STXBP5: variants seen among roughly 807,000 people sequenced by gnomAD.
STXBP5 encodes syntaxin binding protein 5.
A neutral mutation model predicts 152.4 loss-of-function variants in STXBP5; 50 were observed. The observed-to-expected ratio is 0.33, with a 90% CI of 0.26 to 0.42. STXBP5 has a LOEUF of 0.42. STXBP5 is among the 10% of genes least tolerant of loss of function. The pLI, the probability that STXBP5 is intolerant of heterozygous loss-of-function variation, is 1.00. For synonymous variants in STXBP5, 492 were observed against 494.7 expected (o/e 0.99, Z 0.07); for missense variants, 1,167 against 1,388.6 (o/e 0.84, Z 2.54).
rs947119862 is a variant in STXBP5, at chr6:147,385,739, A to T, written c.*984A>T. ...TTTAATTAAAATTGCTTAAAAAAAA[A>T]CTTTCATTATTTCAGTAAAATGCTC... On this transcript the variant is annotated 3_prime_UTR_variant, in exon 28 of 28. Coordinates refer to ENST00000321680, the MANE Select transcript of STXBP5 (RefSeq NM_001127715.4). 8 of 152,208 alleles carry T rather than the reference A, an allele frequency of 5.3e-5. No homozygotes were observed. The highest frequency in any genetic ancestry group is 3.9e-4 in the Admixed American group (6 of 15,262). 9.4% of individuals were successfully genotyped at this position (152,208 alleles called of 1,614,324 possible). A position where few individuals can be genotyped will look rare whatever the true frequency, so the allele number is the denominator to read the frequency against.
intron 22 of STXBP5, among the ~76,000 whole-genome samples, chr6:147,357,367 T>G (rs1002605790): frequency 6.6e-6 from 1 of 152,114 alleles, no homozygotes; most frequent in African/African-American, 2.4e-5. Flanking sequence ...GAGAAAATTG[T>G]GTGGCTCTAT....
intron 2 of STXBP5, among the ~76,000 whole-genome samples, chr6:147,224,635 GAA>G (rs1777620310): frequency 6.6e-6 from 1 of 152,132 alleles, no homozygotes; most frequent in South Asian, 2.1e-4. Context: ...GCTACTTACA[GAA>G]AGTTTATTTT....
intron 2 of STXBP5, among the ~76,000 whole-genome samples, chr6:147,215,135 A>G (rs908690286): frequency 1.3e-5 from 2 of 152,248 alleles, no homozygotes; most frequent in South Asian, 4.1e-4. Flanking sequence ...TATCTAATGA[A>G]TAAGTGTGCG....
At position 147,307,865 on chromosome 6, in the gene STXBP5, G is replaced by A. The variant is rs1040192889; in HGVS notation, c.918-2219G>A. On this transcript the variant is annotated intron_variant, in intron 9 of 27. Coordinates refer to ENST00000321680, the MANE Select transcript of STXBP5 (RefSeq NM_001127715.4). ...CGGAAGAAAAACTTACTTGCCTTCC[G>A]AGGATAAACCTACCTAGCTACCATG... Among the ~76,000 whole-genome samples, 6 of 152,256 alleles carry A rather than the reference G, an allele frequency of 3.9e-5. No individual in the cohort carries two copies. The South Asian group carries it at 8.3e-4, about 21-fold the overall frequency.
chr6:147,337,763 G>C (rs569437874), intron 19 of STXBP5, among the ~76,000 whole-genome samples: 277 of 152,074 alleles, frequency 1.8e-3, no homozygotes, highest in African/African-American at 6.5e-3. Context: ...ATGTATTTCT[G>C]TTCCTGGAAA....
At chr6:147,230,162 A>C (rs1777923447) in intron 2 of STXBP5, among the ~76,000 whole-genome samples, 1 of 151,882 alleles carries the variant, frequency 6.6e-6, no homozygotes, top group South Asian at 2.1e-4. Flanking sequence ...TTGATCCCGT[A>C]TACTTTTTAA....
intron 21 of STXBP5, chr6:147,351,706 GT>G (rs1464577980): frequency 4.3e-6 from 1 of 234,920 alleles, no homozygotes; most frequent in African/African-American, 2.3e-5. Context: ...ACCCATTCTT[GT>G]TTGCTAAAGG....
Position 147,204,582 on chromosome 6 carries a change from C to T in STXBP5, c.50C>T (p.Ser17Leu). ...GTGCTGGACGGCCTGACCGCCGGCTCGTCCTCGGCGTCGCAGCAGCAACAG... is the reference window on the plus strand; with the variant it reads ...GTGCTGGACGGCCTGACCGCCGGCTTGTCCTCGGCGTCGCAGCAGCAACAG... ...RKVLDGLTAG[S>L]SSASQQQQQQ... The change falls in exon 1 of 28, where the codon TCG becomes TTG. Residue 17 changes from serine to leucine, a missense_variant. Around this residue, in one of 3 missense-constraint regions of STXBP5, gnomAD observed 310 missense variants for 346.1 expected, o/e 0.90. Coordinates refer to ENST00000321680, the MANE Select transcript of STXBP5 (RefSeq NM_001127715.4). This position sits in a 1 kb window ranked among gnomAD's most constrained non-coding sequence, Gnocchi z 4.3. The T allele has an allele frequency of 1.9e-6, 3 of 1,609,494 alleles. No individual in the cohort carries two copies. The highest frequency in any genetic ancestry group is 1.7e-6 in the Non-Finnish European group (2 of 1,178,192).
At chr6:147,242,649 C>A (rs1562433110) in intron 4 of STXBP5, among the ~76,000 whole-genome samples, 1 of 152,118 alleles carries the variant, frequency 6.6e-6, no homozygotes, top group Non-Finnish European at 1.5e-5. Context: ...CTACAGTATT[C>A]AATATGTAAT....
chr6:147,221,939 GTTTTTTTCCAGT>G (rs1424620475), intron 2 of STXBP5, among the ~76,000 whole-genome samples: 1 of 151,518 alleles, frequency 6.6e-6, no homozygotes, highest in African/African-American at 2.4e-5. Context: ...ACTCTGTTCT[GTTTTTTTCCAGT>G]TTTTTTTCTC....
At chr6:147,330,227 A>C (rs570474912) in intron 18 of STXBP5, among the ~76,000 whole-genome samples, 1 of 152,138 alleles carries the variant, frequency 6.6e-6, no homozygotes, top group Admixed American at 6.5e-5. Context: ...AGGATAATAT[A>C]TATATTGTTT....
At chr6:147,222,322 G>A (rs771568837) in intron 2 of STXBP5, among the ~76,000 whole-genome samples, 68 of 152,070 alleles carry the variant, frequency 4.5e-4, no homozygotes, top group Non-Finnish European at 8.7e-4. Flanking sequence ...TCCTGATATC[G>A]GGACATGATG....
At chr6:147,331,166 A>G (rs144060420) in intron 18 of STXBP5, among the ~76,000 whole-genome samples, 110 of 152,326 alleles carry the variant, frequency 7.2e-4, no homozygotes, top group African/African-American at 2.5e-3. Flanking sequence ...TAGTAAATGT[A>G]GCTTCCTGTC....
intron 16 of STXBP5, among the ~76,000 whole-genome samples, chr6:147,320,992 A>AT (rs1782908900): frequency 6.6e-6 from 1 of 152,140 alleles, no homozygotes; most frequent in South Asian, 2.1e-4. Flanking sequence ...TAAAGGACCA[A>AT]TTTTTGGAGA....
intron 9 of STXBP5, among the ~76,000 whole-genome samples, chr6:147,293,875 C>T (rs1170874804): frequency 6.6e-6 from 1 of 151,700 alleles, no homozygotes; most frequent in East Asian, 1.9e-4. Context: ...CATGGTGGTG[C>T]TGAATGTGAA....
intron 6 of STXBP5, 150 bp from the exon 7 acceptor site, chr6:147,266,934 G>A (rs930882293): frequency 8.0e-5 from 52 of 651,852 alleles, no homozygotes; most frequent in East Asian, 7.4e-4. Flanking sequence ...TGTCATTTAC[G>A]TGATTACTAA....
chr6:147,347,433 A>C (rs1784389649), intron 21 of STXBP5, among the ~76,000 whole-genome samples: 1 of 152,218 alleles, frequency 6.6e-6, no homozygotes, highest in Non-Finnish European at 1.5e-5. Flanking sequence ...ACAGCAAAAT[A>C]ACCCAAGAGA....
chr6:147,367,511 G>A (rs935058318), intron 25 of STXBP5, among the ~76,000 whole-genome samples: 1 of 152,094 alleles, frequency 6.6e-6, no homozygotes, highest in Non-Finnish European at 1.5e-5. Flanking sequence ...GGTGGTGGGT[G>A]CCTGTAGTCC....
At chr6:147,208,127 T>C (rs1438512655) in intron 2 of STXBP5, among the ~76,000 whole-genome samples, 1 of 152,072 alleles carries the variant, frequency 6.6e-6, no homozygotes, top group Non-Finnish European at 1.5e-5. Flanking sequence ...TAGTTTGCAA[T>C]TATACTCTAA....
Sources: allele counts gnomAD v4.1 joint callset (sites outside exome capture counted in the v4.1 genomes callset), GRCh38; gene constraint gnomAD v4.1.1; regional missense constraint gnomAD v4.1.1; non-coding constraint Gnocchi (gnomAD v3.1); transcripts MANE v1.5; gene names NCBI Gene and HGNC (gene_info 2026-07-23, HGNC 2026-07-21).